The following C1orf141 variants were observed in gnomAD, a reference collection of about 807,000 sequenced individuals.
C1orf141 encodes uncharacterized protein C1orf141.
C1orf141 carries 19 observed loss-of-function variants against 23.2 expected under a neutral mutation model. That is an observed-to-expected ratio of 0.82 (90% CI 0.57 to 1.20). C1orf141 has a LOEUF of 1.20. Among genes scored for constraint, C1orf141 ranks in the 50% most tolerant of loss-of-function variants. C1orf141 has a pLI of 0.00. For synonymous variants in C1orf141, 153 were observed against 154.6 expected, an observed-to-expected ratio of 0.99 and a Z score of 0.08; for missense variants, 469 against 455.1, an observed-to-expected ratio of 1.03 and a Z score of -0.28.
intron 4 of C1orf141, among the ~76,000 whole-genome samples, chr1:67,121,038 C>G (rs191600899): frequency 6.6e-6 from 1 of 152,108 alleles, no homozygotes; most frequent in African/African-American, 2.4e-5. Flanking sequence ...TAAAGTTGGC[C>G]AGAAAATGAT....
intron 5 of C1orf141, among the ~76,000 whole-genome samples, chr1:67,101,550 G>A (rs1024673696): frequency 6.7e-6 from 1 of 150,250 alleles, no homozygotes; most frequent in South Asian, 2.1e-4. Flanking sequence ...CTCTTTCAAT[G>A]GTTATTCCTT....
chr1:67,101,059 G>A (rs1022177153), intron 5 of C1orf141, among the ~76,000 whole-genome samples: 1 of 152,052 alleles, frequency 6.6e-6, no homozygotes, highest in African/African-American at 2.4e-5. Flanking sequence ...GTAGTTGGGG[G>A]AGGAATTTAG....
intron 5 of C1orf141, among the ~76,000 whole-genome samples, chr1:67,097,436 G>T (rs1348321895): frequency 6.6e-6 from 1 of 151,938 alleles, no homozygotes; most frequent in Non-Finnish European, 1.5e-5. Flanking sequence ...AGCAAGTGTG[G>T]AGGTCTCAGT....
chr1:67,103,320 T>G (rs1238031410), intron 5 of C1orf141: 5 of 1,491,634 alleles, frequency 3.4e-6, no homozygotes, highest in African/African-American at 1.4e-5. Flanking sequence ...TAGAACCCAG[T>G]GATCTTCTAC....
intron 5 of C1orf141, among the ~76,000 whole-genome samples, chr1:67,112,300 TTATTTG>T (rs1199554777): frequency 6.6e-6 from 1 of 152,214 alleles, no homozygotes; most frequent in African/African-American, 2.4e-5. Context: ...CAATCAATAG[TTATTTG>T]TTGATCAACT....
intron 4 of C1orf141, 92 bp downstream of exon 4, chr1:67,125,660 C>T: frequency 8.1e-7 from 1 of 1,237,768 alleles, no homozygotes; most frequent in Non-Finnish European, 1.2e-6. Context: ...GTTTGCACCA[C>T]TGCACTCTAC....
intron 5 of C1orf141, chr1:67,102,700 A>G (rs1645832213): frequency 6.6e-6 from 1 of 152,094 alleles, no homozygotes; most frequent in Admixed American, 6.6e-5. Context: ...AGAAAACTCG[A>G]GAATATTTTT....
chr1:67,101,290 G>A (rs1030940662), intron 5 of C1orf141, among the ~76,000 whole-genome samples: 1 of 152,122 alleles, frequency 6.6e-6, no homozygotes, highest in Non-Finnish European at 1.5e-5. Flanking sequence ...GAAAAAAAGT[G>A]ACAAGTTATG....
At chr1:67,114,639 G>A (rs929569332) in intron 5 of C1orf141, among the ~76,000 whole-genome samples, 2 of 152,164 alleles carry the variant, frequency 1.3e-5, no homozygotes, top group African/African-American at 4.8e-5. Flanking sequence ...AATTCTCTGA[G>A]AACTGATAAT....
intron 7 of C1orf141, 63 bp downstream of exon 7, chr1:67,095,172 G>C: frequency 1.0e-6 from 1 of 957,154 alleles, no homozygotes; most frequent in Non-Finnish European, 1.6e-6. Context: ...AAAATATATG[G>C]GTGATTCCCA....
intron 4 of C1orf141, among the ~76,000 whole-genome samples, chr1:67,116,774 T>G (rs1469607609): frequency 6.6e-6 from 1 of 152,086 alleles, no homozygotes; most frequent in Non-Finnish European, 1.5e-5. Context: ...ACCTTGCTCT[T>G]TCCTCTGCCT....
Position 67,095,340 on chromosome 1 carries a change from T to G in C1orf141, c.498A>C (p.Ser166=), listed in dbSNP as rs1055755330. ...VRNYQLSKYR[S]VRKKSLLPLC... ...ACGGGAGCAAGCTTTTCTTTCTTACTGACCTATACTTACTTAATTGATAAT... is the reference window on the plus strand; with the variant it reads ...ACGGGAGCAAGCTTTTCTTTCTTACGGACCTATACTTACTTAATTGATAAT... The change falls in exon 7 of 8, where the codon TCA becomes TCC. Residue 166 remains serine, a synonymous_variant. Transcript: ENST00000684719. 7 of 1,585,544 alleles carry G rather than the reference T, an allele frequency of 4.4e-6. No homozygotes were observed. In the African/African-American group the frequency reaches 6.8e-5, roughly 15 times the overall value.
chr1:67,125,927 T>TAAA lies in C1orf141; in HGVS notation c.76-19_76-18insTTT. The TAAA allele has an allele frequency of 2.7e-6, 3 of 1,112,192 alleles. No individual in the cohort carries two copies. The highest frequency in any genetic ancestry group is 2.8e-5 in the South Asian group (1 of 35,288). 68.9% of individuals were successfully genotyped at this position (1,112,192 alleles called of 1,614,324 possible). Reference sequence around the variant, plus strand: ...CTGTTTATCTGCAGCAATGCCAAAGTGAAAAAAAAAAAAAAAAAAAGAGTA... The same window carrying TAAA: ...CTGTTTATCTGCAGCAATGCCAAAGTAAAGAAAAAAAAAAAAAAAAAAAGAGTA... On this transcript the variant is annotated intron_variant, in intron 3 of 7. Coordinates refer to ENST00000684719, the MANE Select transcript of C1orf141 (RefSeq NM_001276351.2).
chr1:67,118,789 T>C (rs184840745), intron 4 of C1orf141, among the ~76,000 whole-genome samples: 267 of 152,288 alleles, frequency 1.8e-3, no homozygotes, highest in African/African-American at 5.9e-3. Context: ...TTTCTCTCTA[T>C]CTCCTCATGA....
chr1:67,110,643 T>C (rs1317454450), intron 5 of C1orf141, among the ~76,000 whole-genome samples: 2 of 151,980 alleles, frequency 1.3e-5, no homozygotes, highest in Non-Finnish European at 2.9e-5. Context: ...GATATTTCTA[T>C]TTTTAAAAAA....
intron 1 of C1orf141, among the ~76,000 whole-genome samples, chr1:67,133,077 T>C (rs1229777687): frequency 6.6e-6 from 1 of 152,202 alleles, no homozygotes; most frequent in East Asian, 1.9e-4. Context: ...AAAATAAAAA[T>C]GTCTTAAATA....
chr1:67,126,834 T>G (rs1182004041), intron 3 of C1orf141, among the ~76,000 whole-genome samples: 1 of 152,228 alleles, frequency 6.6e-6, no homozygotes, highest in Non-Finnish European at 1.5e-5. Flanking sequence ...CTCACGCATT[T>G]ACCTCAGAGA....
chr1:67,132,691 T>C (rs188510791), intron 1 of C1orf141, among the ~76,000 whole-genome samples: 29 of 152,346 alleles, frequency 1.9e-4, no homozygotes, highest in Admixed American at 1.6e-3. Context: ...TCTCTGAATA[T>C]AAATTTTTAG....
chr1:67,101,449 A>AGAGTGT lies in C1orf141; in HGVS notation c.347-5129_347-5128insACACTC, dbSNP rs147291198. The stretch of plus-strand genomic sequence containing the variant: ...TCCATTTCTTTATGTTGAATGTAAG[A>AGAGTGT]GTGTGTGTGTGTGTGTGTGTGTGTG... On this transcript the variant is annotated intron_variant, in intron 5 of 7. Coordinates refer to ENST00000684719, the MANE Select transcript of C1orf141 (RefSeq NM_001276351.2). 3.7e-5 allele frequency among the ~76,000 whole-genome samples: 5 copies of AGAGTGT among 135,380 alleles called. No individual in the cohort carries two copies. The South Asian group carries it at 1.0e-3, about 28-fold the overall frequency. The allele number at this position is 135,380 out of a possible 152,430, so 88.8% of individuals were successfully genotyped here.
Sources: gnomAD v4.1 joint callset for allele counts (sites outside exome capture counted in the v4.1 genomes callset) on GRCh38, gnomAD v4.1.1 for gene constraint, MANE v1.5 for transcripts, NCBI Gene and HGNC (gene_info 2026-07-23, HGNC 2026-07-21) for gene names.